The following TP63 variants were observed in gnomAD, a reference collection of about 807,000 sequenced individuals.
TP63 encodes the protein tumor protein p63, also known as tumor protein 63.
In TP63, 17 loss-of-function variants were observed where a neutral mutation model predicts 82.8. The ratio of observed to expected loss-of-function variants is 0.21; its 90% CI spans 0.14 to 0.31. The LOEUF is 0.31. TP63 is among the 10% of genes least tolerant of loss of function. The probability of loss-of-function intolerance (pLI) is 1.00; values close to 1 mark genes in which losing one functional copy is unlikely to be tolerated. For missense variants in TP63, 648 were observed against 895.3 expected (o/e 0.72, Z 3.52); for synonymous variants, 330 against 321.7 (o/e 1.03, Z -0.28).
Position 189,896,813 on chromosome 3 carries a change from G to T in TP63, c.*2311G>T, listed in dbSNP as rs541076830. On this transcript the variant is annotated 3_prime_UTR_variant, in exon 14 of 14. Coordinates refer to ENST00000264731, the MANE Select transcript of TP63 (RefSeq NM_003722.5). The stretch of plus-strand genomic sequence containing the variant: ...CTCCTTGAGTGTATGAGTAGCCAGG[G>T]TAAGGGGTAAAAGGATAGTAAGCAT... 26 of 209,796 alleles carry T rather than the reference G, an allele frequency of 1.2e-4. No homozygotes were observed. The highest frequency in any genetic ancestry group is 1.0e-3 in the Admixed American group (17 of 16,966). 13.0% of individuals were successfully genotyped at this position (209,796 alleles called of 1,614,324 possible).
chr3:189,688,100 G>A (rs1385990959), intron 1 of TP63, among the ~76,000 whole-genome samples: 2 of 152,100 alleles, frequency 1.3e-5, no homozygotes, highest in African/African-American at 4.8e-5. Context: ...CCAGAAATAA[G>A]CTTCAATACT....
At chr3:189,869,475 T>A in intron 9 of TP63, 69 bp downstream of exon 9, 1 of 1,367,358 alleles carries the variant, frequency 7.3e-7, no homozygotes. Flanking sequence ...TACAGTATGA[T>A]CATCATCTCA....
chr3:189,790,527 C>T (rs1178038544), intron 3 of TP63, among the ~76,000 whole-genome samples: 1 of 151,886 alleles, frequency 6.6e-6, no homozygotes, highest in Non-Finnish European at 1.5e-5. Flanking sequence ...TGATTATTTG[C>T]ATTTCTGATC....
intron 3 of TP63, among the ~76,000 whole-genome samples, chr3:189,753,282 T>C (rs1035620865): frequency 3.3e-5 from 5 of 152,128 alleles, no homozygotes; most frequent in Non-Finnish European, 5.9e-5. Flanking sequence ...CTTTCTCTCC[T>C]ATCAAATATG....
At chr3:189,836,035 G>A (rs772903338) in intron 4 of TP63, among the ~76,000 whole-genome samples, 1 of 151,914 alleles carries the variant, frequency 6.6e-6, no homozygotes, top group Non-Finnish European at 1.5e-5. Context: ...TATCTTTGAA[G>A]CAAGTGCTCA....
At chr3:189,694,269 A>G (rs997895690) in intron 1 of TP63, among the ~76,000 whole-genome samples, 5 of 152,234 alleles carry the variant, frequency 3.3e-5, no homozygotes, top group African/African-American at 4.8e-5. Context: ...TCCTATCACT[A>G]ACATCATACA....
At chr3:189,693,256 G>A (rs1717088191) in intron 1 of TP63, among the ~76,000 whole-genome samples, 1 of 152,156 alleles carries the variant, frequency 6.6e-6, no homozygotes, top group Non-Finnish European at 1.5e-5. Context: ...ATACATTTTA[G>A]AATTTAAACT....
intron 10 of TP63, chr3:189,880,709 G>C: frequency 2.0e-6 from 2 of 985,448 alleles, no homozygotes; most frequent in Non-Finnish European, 2.4e-6. Context: ...CAAGTAGTAA[G>C]AAACGAAGGT....
At chr3:189,653,266 A>G (rs1713053026) in intron 1 of TP63, among the ~76,000 whole-genome samples, 1 of 152,190 alleles carries the variant, frequency 6.6e-6, no homozygotes, top group South Asian at 2.1e-4. Flanking sequence ...TAGAGTCAGG[A>G]TATCTCTTTC....
chr3:189,652,177 A>G (rs1490884616), intron 1 of TP63, among the ~76,000 whole-genome samples: 1 of 146,502 alleles, frequency 6.8e-6, no homozygotes, highest in Non-Finnish European at 1.5e-5. Context: ...GTGCACCTAG[A>G]TAAACCACAG....
At chr3:189,822,075 C>A (rs967523974) in intron 4 of TP63, among the ~76,000 whole-genome samples, 3 of 152,178 alleles carry the variant, frequency 2.0e-5, no homozygotes, top group African/African-American at 7.2e-5. Flanking sequence ...TTGGGCTAAA[C>A]ACTGTCTCTA....
At chr3:189,656,871 A>C (rs2108645998) in intron 1 of TP63, among the ~76,000 whole-genome samples, 2 of 152,234 alleles carry the variant, frequency 1.3e-5, no homozygotes, top group African/African-American at 4.8e-5. Context: ...GAAAATAGAC[A>C]ACTTTATTAT....
chr3:189,642,239 C>T (rs910510807), intron 1 of TP63, among the ~76,000 whole-genome samples: 10 of 152,090 alleles, frequency 6.6e-5, no homozygotes, highest in Non-Finnish European at 1.5e-5. Flanking sequence ...GTATTAACTA[C>T]GGAAACCACA....
At chr3:189,850,644 G>A (rs1374768110) in intron 4 of TP63, among the ~76,000 whole-genome samples, 1 of 152,088 alleles carries the variant, frequency 6.6e-6, no homozygotes, top group East Asian at 1.9e-4. Context: ...GAGTTAATGG[G>A]TGCAGCACAC....
intron 1 of TP63, among the ~76,000 whole-genome samples, chr3:189,665,749 A>G (rs2378507): frequency 0.34 from 51,706 of 151,954 alleles, 9,136 homozygotes; most frequent in Non-Finnish European, 0.38. Flanking sequence ...CTAATACACC[A>G]ATTACCCATT....
At chr3:189,693,894 A>G (rs1476081313) in intron 1 of TP63, among the ~76,000 whole-genome samples, 1 of 152,194 alleles carries the variant, frequency 6.6e-6, no homozygotes, top group Non-Finnish European at 1.5e-5. Context: ...GAGTGAATAG[A>G]TGAAGATGAT....
intron 4 of TP63, among the ~76,000 whole-genome samples, chr3:189,859,044 G>C (rs1029045575): frequency 7.2e-5 from 11 of 152,086 alleles, no homozygotes; most frequent in Non-Finnish European, 1.5e-4. Flanking sequence ...AATAAGTTCT[G>C]TTCTATTGCA....
chr3:189,618,061 A>G, the TP63 span, among the ~76,000 whole-genome samples: 1 of 152,208 alleles, frequency 6.6e-6, no homozygotes, highest in Non-Finnish European at 1.5e-5. Flanking sequence ...ATCCAGTACA[A>G]ATAAAAATGT....
At chr3:189,747,413 A>G (rs905151480) in intron 3 of TP63, among the ~76,000 whole-genome samples, 9 of 151,952 alleles carry the variant, frequency 5.9e-5, no homozygotes, top group Admixed American at 1.3e-4. Flanking sequence ...ATAGACAACA[A>G]TGGGATAAAA....
Sources: allele counts gnomAD v4.1 joint callset (sites outside exome capture counted in the v4.1 genomes callset), GRCh38; gene constraint gnomAD v4.1.1; transcripts MANE v1.5; gene names NCBI Gene and HGNC (gene_info 2026-07-23, HGNC 2026-07-21).